The following TTC13 variants were observed in gnomAD, a reference collection of about 807,000 sequenced individuals.
The protein encoded by TTC13 is tetratricopeptide repeat protein 13.
A neutral mutation model predicts 120.0 loss-of-function variants in TTC13; 62 were observed. The observed-to-expected ratio is 0.52, with a 90% CI of 0.42 to 0.64. The LOEUF is 0.64. TTC13 is among the 30% of genes least tolerant of loss of function. The pLI, the probability that TTC13 is intolerant of heterozygous loss-of-function variation, is 0.00. For synonymous variants in TTC13, 384 were observed against 393.5 expected (o/e 0.98, Z 0.28); for missense variants, 824 against 1,050.2 (o/e 0.78, Z 2.98).
At chr1:230,916,547 A>G (rs1170287079) in intron 17 of TTC13, among the ~76,000 whole-genome samples, 1 of 152,202 alleles carries the variant, frequency 6.6e-6, no homozygotes, top group Non-Finnish European at 1.5e-5. Context: ...CCAAAAGCTC[A>G]CAGGTTCTCT....
chr1:230,929,887 G>A (rs1240515200), intron 11 of TTC13, among the ~76,000 whole-genome samples: 1 of 152,188 alleles, frequency 6.6e-6, no homozygotes, highest in Non-Finnish European at 1.5e-5. Context: ...CAGAAAAAAG[G>A]GAATTGTAAT....
At position 230,918,557 on chromosome 1, in the gene TTC13, G is replaced by C. The variant is rs1672263855; in HGVS notation, c.1983+1953C>G. Among the ~76,000 whole-genome samples, 3 of 152,152 alleles carry C rather than the reference G, an allele frequency of 2.0e-5. No individual in the cohort carries two copies. In the South Asian group the frequency reaches 6.2e-4, roughly 32 times the overall value. On this transcript the variant is annotated intron_variant, in intron 17 of 22. Transcript: ENST00000366661. ...GTGAAGTTCATCTTAGTGCAATAAA[G>C]GAGTCAGTAAAGGGGGCATCTGAAC...
Position 230,923,930 on chromosome 1 carries a change from A to T in TTC13, c.1725T>A (p.Ile575=). Residue 575 remains isoleucine (I), a synonymous_variant, in exon 15 of 23, where the codon ATT becomes ATA. Coordinates refer to ENST00000366661, the MANE Select transcript of TTC13 (RefSeq NM_024525.5). ...MFDIAVKWRR[I]ADPDQPVLWL... ...ACAGCACGGGCTGGTCTGGGTCAGC[A>T]ATCCTATAAAACAGAGACCTTTATA... The T allele has an allele frequency of 1.2e-6, 2 of 1,612,788 alleles. No individual in the cohort carries two copies. The highest frequency in any genetic ancestry group is 1.7e-6 in the Non-Finnish European group (2 of 1,179,062).
chr1:230,930,776 G>A (rs1673473304), intron 11 of TTC13, among the ~76,000 whole-genome samples: 1 of 152,154 alleles, frequency 6.6e-6, no homozygotes, highest in Non-Finnish European at 1.5e-5. Context: ...AAATCAGCTG[G>A]GCATGATGGC....
At position 230,967,378 on chromosome 1, in the gene TTC13, T is replaced by C. The variant is rs140459315; in HGVS notation, c.272-6075A>G. ...GGGTTGAGACTGATGTACTTCACCA[T>C]ATAAAAGAAGTATTTTCCTATTCTA... On this transcript the variant is annotated intron_variant, in intron 1 of 22. Transcript: ENST00000366661. Among the ~76,000 whole-genome samples the C allele has an allele frequency of 8.2e-4, 124 of 150,558 alleles. 4 individuals are homozygous for C. In the East Asian group the frequency reaches 0.023, roughly 28 times the overall value.
At chr1:230,941,068 A>G (rs112637852) in intron 6 of TTC13, among the ~76,000 whole-genome samples, 10 of 152,150 alleles carry the variant, frequency 6.6e-5, no homozygotes, top group South Asian at 2.1e-4. Flanking sequence ...ACAACTTTTA[A>G]CTCATGAGTC....
At chr1:230,929,647 AAACC>A (rs1673368144) in intron 11 of TTC13, among the ~76,000 whole-genome samples, 1 of 152,120 alleles carries the variant, frequency 6.6e-6, no homozygotes, top group South Asian at 2.1e-4. Flanking sequence ...CTTTCCAGGA[AAACC>A]ACTAAAAATC....
intron 8 of TTC13, among the ~76,000 whole-genome samples, chr1:230,936,951 T>G (rs1000375569): frequency 5.9e-5 from 9 of 152,212 alleles, no homozygotes; most frequent in Admixed American, 5.9e-4. Flanking sequence ...AAGGAGTCAG[T>G]AAGTAACTAC....
At chr1:230,911,620 C>CA (rs1671514784) in intron 19 of TTC13, 71 bp from the exon 20 acceptor site, 1 of 923,696 alleles carries the variant, frequency 1.1e-6, no homozygotes, top group African/African-American at 1.7e-5. Context: ...GGTGACAGAA[C>CA]ACACAAGAAT....
At position 230,943,249 on chromosome 1, in the gene TTC13, A is replaced by T. The variant is rs879727631; in HGVS notation, c.672+557T>A. The stretch of plus-strand genomic sequence containing the variant: ...TGTTATATTTTTTGTGTTTTTTTTT[A>T]AATTTTATTATTATTATACTTTAAG... On this transcript the variant is annotated intron_variant, in intron 6 of 22. Transcript: ENST00000366661. 5.2e-4 allele frequency among the ~76,000 whole-genome samples: 79 copies of T among 151,520 alleles called. 1 individual carries two copies. The highest frequency in any genetic ancestry group is 1.7e-3 in the Admixed American group (26 of 15,212).
chr1:230,949,929 C>T (rs1013272675), intron 4 of TTC13, among the ~76,000 whole-genome samples: 3 of 152,062 alleles, frequency 2.0e-5, no homozygotes, highest in Non-Finnish European at 4.4e-5. Flanking sequence ...GATTACAGGC[C>T]TGAGCCACCA....
intron 22 of TTC13, 121 bp downstream of exon 22, chr1:230,908,591 C>CA: frequency 1.4e-6 from 1 of 726,302 alleles, no homozygotes; most frequent in South Asian, 1.8e-5. Context: ...CATTGTATTA[C>CA]ATATTAACTT....
At position 230,978,854 on chromosome 1, in the gene TTC13, C is replaced by T. The variant is rs1678683094; in HGVS notation, c.-24G>A. On this transcript the variant is annotated 5_prime_UTR_variant, in exon 1 of 23. Transcript: ENST00000366661. This position sits in a 1 kb window ranked among gnomAD's most constrained non-coding sequence, Gnocchi z 5.6. ...ATCTTCCCTCAAGGCGCATGCGCGA[C>T]AGCCCTTGCCCGGCTCTCAGGCCTC... 4.2e-6 allele frequency: 6 copies of T among 1,445,672 alleles called. No individual in the cohort carries two copies. Among genetic ancestry groups the T allele is most frequent in the South Asian group, 1.4e-5 (1 of 70,880 alleles). 89.6% of individuals were successfully genotyped at this position (1,445,672 alleles called of 1,614,324 possible).
At chr1:230,934,267 G>A (rs1420382359) in intron 8 of TTC13, among the ~76,000 whole-genome samples, 1 of 151,888 alleles carries the variant, frequency 6.6e-6, no homozygotes, top group Admixed American at 6.6e-5. Flanking sequence ...ATCATAACTG[G>A]CAACATTTAA....
intron 6 of TTC13, 140 bp downstream of exon 6, chr1:230,943,666 T>C (rs980030353): frequency 6.9e-6 from 4 of 577,996 alleles, no homozygotes; most frequent in Admixed American, 3.0e-5. Flanking sequence ...TCAACCATGC[T>C]TAAAGGCATT....
In TTC13 at chr1:230,940,579, C is replaced by T. The variant is rs1306003254; in HGVS notation, c.673-23G>A. ...AATCTAGAAATCCCAAACATGTAAT[C>T]AGGAAGAATACCAATGACCAACCCT... On this transcript the variant is annotated intron_variant, in intron 6 of 22. Coordinates refer to ENST00000366661, the MANE Select transcript of TTC13 (RefSeq NM_024525.5). The surrounding 1 kb of genome is among the most constrained non-coding windows in gnomAD (Gnocchi z 4.1). The T allele has an allele frequency of 2.0e-6, 3 of 1,485,230 alleles. No individual in the cohort carries two copies. The highest frequency in any genetic ancestry group is 2.8e-6 in the Non-Finnish European group (3 of 1,065,150). The allele number at this position is 1,485,230 out of a possible 1,614,324, so 92.0% of individuals were successfully genotyped here. A position where few individuals can be genotyped will look rare whatever the true frequency, so the allele number is the denominator to read the frequency against.
At chr1:230,958,405 T>G (rs753479608) in intron 2 of TTC13, 106 bp from the exon 3 acceptor site, 40 of 1,319,858 alleles carry the variant, frequency 3.0e-5, no homozygotes, top group Non-Finnish European at 4.0e-5. Context: ...CTACATTTGA[T>G]TTAAGTGGAA....
intron 1 of TTC13, among the ~76,000 whole-genome samples, chr1:230,976,889 G>C (rs1210057653): frequency 1.3e-5 from 2 of 152,104 alleles, no homozygotes; most frequent in African/African-American, 2.4e-5. Context: ...AGTATTAATC[G>C]ATACATACCT....
At chr1:230,927,916 A>C (rs549065781) in intron 12 of TTC13, among the ~76,000 whole-genome samples, 1 of 152,138 alleles carries the variant, frequency 6.6e-6, no homozygotes, top group South Asian at 2.1e-4. Context: ...TAATTGGCCC[A>C]CTCCCACATC....
Sources: gnomAD v4.1 joint callset for allele counts (sites outside exome capture counted in the v4.1 genomes callset) on GRCh38, gnomAD v4.1.1 for gene constraint, Gnocchi (gnomAD v3.1) non-coding constraint, MANE v1.5 for transcripts, NCBI Gene and HGNC (gene_info 2026-07-23, HGNC 2026-07-21) for gene names.